The following MEIKIN variants were observed in gnomAD, a reference collection of about 807,000 sequenced individuals.
MEIKIN encodes the protein meiosis-specific kinetochore protein.
intron 11 of MEIKIN, among the ~76,000 whole-genome samples, chr5:131,819,362 G>A (rs1749436805): frequency 6.7e-6 from 1 of 149,688 alleles, no homozygotes; most frequent in African/African-American, 2.5e-5. Context: ...AATACCCTGG[G>A]AGGCCAATGC....
intron 12 of MEIKIN, among the ~76,000 whole-genome samples, chr5:131,817,163 A>G (rs1334863450): frequency 6.6e-6 from 1 of 152,124 alleles, no homozygotes; most frequent in East Asian, 1.9e-4. Flanking sequence ...TCCTTAGCCT[A>G]TGGATTCTGG....
intron 9 of MEIKIN, among the ~76,000 whole-genome samples, chr5:131,872,537 G>C (rs1329891594): frequency 6.6e-6 from 1 of 152,234 alleles, no homozygotes; most frequent in Non-Finnish European, 1.5e-5. Flanking sequence ...GTACCTGAAA[G>C]TGACGGGGAG....
chr5:131,820,057 G>A (rs1749463954), intron 11 of MEIKIN, among the ~76,000 whole-genome samples: 1 of 135,668 alleles, frequency 7.4e-6, no homozygotes, highest in Non-Finnish European at 1.5e-5. Flanking sequence ...TTACAGGCGT[G>A]AGCCACCGCG....
At chr5:131,932,369 G>C (rs1751704583) in intron 5 of MEIKIN, among the ~76,000 whole-genome samples, 2 of 152,160 alleles carry the variant, frequency 1.3e-5, no homozygotes, top group South Asian at 2.1e-4. Context: ...AGATCAGCTG[G>C]GGCAGCTCTC....
intron 5 of MEIKIN, among the ~76,000 whole-genome samples, chr5:131,925,029 G>A (rs1751565398): frequency 6.6e-6 from 1 of 152,056 alleles, no homozygotes; most frequent in Non-Finnish European, 1.5e-5. Context: ...TCATTATTTT[G>A]TATGTGGATA....
At chr5:131,844,113 A>T (rs900508316) in intron 11 of MEIKIN, among the ~76,000 whole-genome samples, 4 of 152,164 alleles carry the variant, frequency 2.6e-5, no homozygotes, top group Non-Finnish European at 5.9e-5. Flanking sequence ...CTTTCAAACA[A>T]CTAGATCTCG....
chr5:131,929,986 C>A (rs1284071262), intron 5 of MEIKIN, among the ~76,000 whole-genome samples: 2 of 152,274 alleles, frequency 1.3e-5, no homozygotes, highest in East Asian at 3.9e-4. Context: ...ATAGCTGCAA[C>A]AAACATATGT....
chr5:131,884,203 C>T (rs1406002620), intron 8 of MEIKIN, among the ~76,000 whole-genome samples: 2 of 152,142 alleles, frequency 1.3e-5, no homozygotes, highest in Non-Finnish European at 1.5e-5. Context: ...TACTGGGACA[C>T]CAGCCAAGGC....
intron 11 of MEIKIN, among the ~76,000 whole-genome samples, chr5:131,822,151 T>C (rs1310215316): frequency 6.6e-6 from 1 of 152,218 alleles, no homozygotes; most frequent in Non-Finnish European, 1.5e-5. Context: ...TCCAGCCCTT[T>C]ATTTTCATTT....
chr5:131,855,118 A>C (rs2149616619), intron 9 of MEIKIN, among the ~76,000 whole-genome samples: 1 of 152,336 alleles, frequency 6.6e-6, no homozygotes, highest in Middle Eastern at 3.4e-3. Context: ...TTAATTTAGA[A>C]AGAAAAGCTA....
intron 11 of MEIKIN, among the ~76,000 whole-genome samples, chr5:131,842,008 T>C (rs1160045507): frequency 6.8e-6 from 1 of 146,332 alleles, no homozygotes; most frequent in East Asian, 2.0e-4. Flanking sequence ...ATTTAACTTC[T>C]TTTTTTTTTT....
At chr5:131,911,583 A>G (rs541489882) in intron 8 of MEIKIN, among the ~76,000 whole-genome samples, 28 of 151,818 alleles carry the variant, frequency 1.8e-4, no homozygotes, top group African/African-American at 6.5e-4. Context: ...GTTCATATTC[A>G]TTAAATGTTT....
At chr5:131,900,908 C>T (rs112025316) in intron 8 of MEIKIN, among the ~76,000 whole-genome samples, 9 of 152,196 alleles carry the variant, frequency 5.9e-5, no homozygotes, top group South Asian at 2.1e-4. Context: ...CTCCCTTGTG[C>T]GGCTTTGCCT....
At chr5:131,887,505 CCTGA>C (rs1436302583) in intron 8 of MEIKIN, among the ~76,000 whole-genome samples, 16 of 152,076 alleles carry the variant, frequency 1.1e-4, no homozygotes, top group African/African-American at 3.9e-4. Context: ...TCTGTTGTTT[CCTGA>C]CTTTTTCATG....
At chr5:131,926,078 G>C (rs1580910367) in intron 5 of MEIKIN, among the ~76,000 whole-genome samples, 1 of 152,042 alleles carries the variant, frequency 6.6e-6, no homozygotes, top group Non-Finnish European at 1.5e-5. Flanking sequence ...TAATTGCTGT[G>C]ACTAGGACTA....
chr5:131,917,288 G>A (rs183562624), intron 6 of MEIKIN, among the ~76,000 whole-genome samples: 229 of 152,048 alleles, frequency 1.5e-3, no homozygotes, highest in Non-Finnish European at 2.5e-3. Flanking sequence ...AAACTAGGCC[G>A]GGCACAGTGG....
intron 9 of MEIKIN, among the ~76,000 whole-genome samples, chr5:131,868,422 T>C (rs576552920): frequency 6.6e-6 from 1 of 152,358 alleles, no homozygotes; most frequent in African/African-American, 2.4e-5. Context: ...AATTGCCTAA[T>C]GACATATGAT....
chr5:131,826,084 T>C (rs940412286), intron 11 of MEIKIN, among the ~76,000 whole-genome samples: 16 of 131,830 alleles, frequency 1.2e-4, no homozygotes, highest in African/African-American at 3.7e-4. Flanking sequence ...TTTTCTTGTT[T>C]TCTTTTTTTT....
At position 131,826,086 on chromosome 5, in the gene MEIKIN, CTT is replaced by C. The variant is rs35951729; in HGVS notation, c.976-7225_976-7224del. On this transcript the variant is annotated intron_variant, in intron 11 of 12. Transcript: ENST00000442687. ...CTAAATGGTGAATTTTTCTTGTTTT[CTT>C]TTTTTTTTTTTTTTTTTTACTAGAG... is the stretch of plus-strand genomic sequence containing the variant. 5.6e-3 allele frequency among the ~76,000 whole-genome samples: 704 copies of C among 124,970 alleles called. 8 individuals are homozygous for C. Among genetic ancestry groups the C allele is most frequent in the African/African-American group, 0.017 (579 of 33,834 alleles). The allele number at this position is 124,970 out of a possible 152,430, so 82.0% of individuals were successfully genotyped here. A position where few individuals can be genotyped will look rare whatever the true frequency, so the allele number is the denominator to read the frequency against.
Sources: gnomAD v4.1 joint callset for allele counts (sites outside exome capture counted in the v4.1 genomes callset) on GRCh38, gnomAD v4.1.1 for gene constraint, MANE v1.5 for transcripts, NCBI Gene and HGNC (gene_info 2026-07-23, HGNC 2026-07-21) for gene names.